Variants in CCSER1 observed in about 807,000 individuals in gnomAD.
The protein encoded by CCSER1 is coiled-coil serine rich protein 1.
Under a neutral mutation model 82.0 loss-of-function variants are expected in CCSER1, and 41 were observed. The observed-to-expected ratio is 0.50, with a 90% confidence interval of 0.39 to 0.65. The LOEUF (loss-of-function observed/expected upper bound fraction) is 0.65. Ranked by LOEUF, CCSER1 falls within the 30% of genes least tolerant of loss-of-function variation. The probability of loss-of-function intolerance (pLI) is 0.00; values close to 1 mark genes in which losing one functional copy is unlikely to be tolerated. For missense variants in CCSER1, 1,119 were observed against 1,064.2 expected (o/e 1.05, Z -0.72); for synonymous variants, 414 against 383.9 (o/e 1.08, Z -0.92).
At chr4:90,636,824 G>A (rs1429010239) in intron 6 of CCSER1, among the ~76,000 whole-genome samples, 2 of 152,094 alleles carry the variant, frequency 1.3e-5, no homozygotes, top group African/African-American at 4.8e-5. Flanking sequence ...AGAGGTCCTA[G>A]CTAGGAATGA....
intron 9 of CCSER1, among the ~76,000 whole-genome samples, chr4:91,054,805 T>C (rs1226737450): frequency 6.6e-6 from 1 of 152,122 alleles, no homozygotes; most frequent in East Asian, 1.9e-4. Flanking sequence ...ATTTGAATGC[T>C]CCAATTAGCA....
At chr4:90,225,206 C>T (rs569697868) in intron 1 of CCSER1, among the ~76,000 whole-genome samples, 90 of 149,854 alleles carry the variant, frequency 6.0e-4, no homozygotes, top group African/African-American at 1.8e-3. Context: ...TTGGGACCAC[C>T]GGTGCACACC....
intron 8 of CCSER1, among the ~76,000 whole-genome samples, chr4:90,838,530 G>A (rs1277767128): frequency 2.0e-5 from 3 of 149,676 alleles, no homozygotes; most frequent in Non-Finnish European, 4.4e-5. Context: ...TAAAAAAATT[G>A]TGCATTCCAA....
At chr4:90,245,659 A>C (rs1721293390) in intron 1 of CCSER1, among the ~76,000 whole-genome samples, 1 of 152,112 alleles carries the variant, frequency 6.6e-6, no homozygotes, top group Non-Finnish European at 1.5e-5. Context: ...ATATATGAAG[A>C]ATTTTTAGTT....
At chr4:90,564,486 C>T in intron 5 of CCSER1, among the ~76,000 whole-genome samples, 1 of 152,066 alleles carries the variant, frequency 6.6e-6, no homozygotes, top group East Asian at 1.9e-4. Flanking sequence ...TCTCTTTGCT[C>T]TTTTGATTGT....
intron 1 of CCSER1, among the ~76,000 whole-genome samples, chr4:90,162,612 A>G (rs1729668404): frequency 6.6e-6 from 1 of 152,114 alleles, no homozygotes; most frequent in African/African-American, 2.4e-5. Context: ...AAAAGTTAAG[A>G]CATCAAAACC....
At chr4:90,208,273 C>A (rs184019784) in intron 1 of CCSER1, among the ~76,000 whole-genome samples, 1 of 152,178 alleles carries the variant, frequency 6.6e-6, no homozygotes, top group Admixed American at 6.5e-5. Context: ...TCACCCAGTT[C>A]GGACTTCCCA....
chr4:91,596,030 T>G (rs1166405951), intron 10 of CCSER1, among the ~76,000 whole-genome samples: 1 of 151,688 alleles, frequency 6.6e-6, no homozygotes, highest in African/African-American at 2.4e-5. Flanking sequence ...AATGGTTGAT[T>G]TAAATGTGTA....
intron 8 of CCSER1, among the ~76,000 whole-genome samples, chr4:90,832,212 A>T (rs1761211672): frequency 6.6e-6 from 1 of 152,058 alleles, no homozygotes; most frequent in African/African-American, 2.4e-5. Context: ...AATTTAATAG[A>T]TTTATTTTTC....
Position 91,364,818 on chromosome 4 carries a change from A to G in CCSER1, c.2218-233754A>G, listed in dbSNP as rs115374239. On this transcript the variant is annotated intron_variant, in intron 10 of 10. Coordinates refer to ENST00000509176, the MANE Select transcript of CCSER1 (RefSeq NM_001145065.2). Reference sequence around the variant, plus strand: ...TTGTGGATCTGAGCTAAGTTTAAAGACATCAAATAGTAAGTTTTAATTTTT... The same window carrying G: ...TTGTGGATCTGAGCTAAGTTTAAAGGCATCAAATAGTAAGTTTTAATTTTT... 6.2e-3 allele frequency among the ~76,000 whole-genome samples: 939 copies of G among 152,206 alleles called. 15 individuals are homozygous for G. The highest frequency in any genetic ancestry group is 0.021 in the African/African-American group (878 of 41,572).
chr4:91,312,713 T>C (rs1040213728), intron 10 of CCSER1, among the ~76,000 whole-genome samples: 1 of 152,068 alleles, frequency 6.6e-6, no homozygotes, highest in Admixed American at 6.6e-5. Context: ...TTTTTCATTG[T>C]AAGTCGAAAT....
At chr4:91,547,973 G>A (rs772447144) in intron 10 of CCSER1, among the ~76,000 whole-genome samples, 2 of 152,052 alleles carry the variant, frequency 1.3e-5, no homozygotes, top group East Asian at 1.9e-4. Flanking sequence ...AGTAGAGATG[G>A]GGTTTCACCA....
chr4:91,494,296 A>G (rs1578612830), intron 10 of CCSER1, among the ~76,000 whole-genome samples: 2 of 151,962 alleles, frequency 1.3e-5, no homozygotes, highest in East Asian at 3.9e-4. Context: ...GCAACCCAGG[A>G]GAATAGCAAA....
intron 8 of CCSER1, among the ~76,000 whole-genome samples, chr4:90,914,990 C>G (rs1419448464): frequency 6.6e-6 from 1 of 152,048 alleles, no homozygotes; most frequent in Non-Finnish European, 1.5e-5. Context: ...CTGAATAGAC[C>G]AATAACAGGC....
intron 5 of CCSER1, among the ~76,000 whole-genome samples, chr4:90,577,948 G>T (rs1174306382): frequency 1.3e-5 from 2 of 151,994 alleles, no homozygotes; most frequent in East Asian, 3.9e-4. Flanking sequence ...GCCTTGTGAA[G>T]CTTCATATTT....
At chr4:91,394,274 TAAC>T (rs1479578646) in intron 10 of CCSER1, among the ~76,000 whole-genome samples, 3 of 152,084 alleles carry the variant, frequency 2.0e-5, no homozygotes, top group African/African-American at 4.8e-5. Flanking sequence ...AAACCATAGA[TAAC>T]AAAGTAAATG....
chr4:90,847,484 A>G lies in CCSER1; in HGVS notation c.2094+31639A>G, dbSNP rs77990330. On this transcript the variant is annotated intron_variant, in intron 8 of 10. Coordinates refer to ENST00000509176, the MANE Select transcript of CCSER1 (RefSeq NM_001145065.2). ...TGAAGTCCAGAACTTTTATGATTTC[A>G]TTTCCATTTCTCACGTATCAGTTTT... Among the ~76,000 whole-genome samples, 833 of 152,152 alleles carry G rather than the reference A, an allele frequency of 5.5e-3. 9 individuals carry two copies. The highest frequency in any genetic ancestry group is 0.019 in the African/African-American group (801 of 41,512).
intron 10 of CCSER1, among the ~76,000 whole-genome samples, chr4:91,197,095 A>G (rs2149059996): frequency 6.6e-6 from 1 of 152,332 alleles, no homozygotes; most frequent in South Asian, 2.1e-4. Flanking sequence ...GAAACACATG[A>G]AAGAACTACA....
chr4:90,337,801 AT>A (rs1157010016), intron 3 of CCSER1, among the ~76,000 whole-genome samples: 1 of 152,112 alleles, frequency 6.6e-6, no homozygotes, highest in African/African-American at 2.4e-5. Flanking sequence ...AAATAAAATA[AT>A]TTTTTAGAAA....
Sources: gnomAD v4.1 joint callset for allele counts (sites outside exome capture counted in the v4.1 genomes callset) on GRCh38, gnomAD v4.1.1 for gene constraint, MANE v1.5 for transcripts, NCBI Gene and HGNC (gene_info 2026-07-23, HGNC 2026-07-21) for gene names.